MYO1H: variants seen among roughly 807,000 people sequenced by gnomAD.
MYO1H encodes myosin IH.
In MYO1H, 118 loss-of-function variants were observed where a neutral mutation model predicts 149.3. The ratio of observed to expected loss-of-function variants is 0.79; its 90% confidence interval spans 0.68 to 0.92. The LOEUF (loss-of-function observed/expected upper bound fraction) is 0.92. MYO1H is among the 40% of genes least tolerant of loss of function. The pLI is 0.00. For missense variants in MYO1H, 1,212 were observed against 1,280.7 expected, an observed-to-expected ratio of 0.95 and a Z score of 0.82; for synonymous variants, 447 against 465.2, an observed-to-expected ratio of 0.96 and a Z score of 0.50.
intron 26 of MYO1H, 27 bp from the exon 27 acceptor site, chr12:109,442,190 T>C (rs748585342): frequency 6.2e-7 from 1 of 1,607,968 alleles, no homozygotes; most frequent in Non-Finnish European, 8.5e-7. Context: ...TTAGTGATGA[T>C]TCATGGCCTT....
At chr12:109,396,574 G>T in exon 4 of MYO1H, 2 of 1,610,908 alleles carry the variant, frequency 1.2e-6, no homozygotes, top group Non-Finnish European at 1.7e-6. Context: ...CTCCAACCCA[G>T]TGCTGGAGGT....
At chr12:109,330,743 G>A in the MYO1H span, among the ~76,000 whole-genome samples, 1 of 152,146 alleles carries the variant, frequency 6.6e-6, no homozygotes, top group Non-Finnish European at 1.5e-5. Context: ...TGCAGATCAT[G>A]CCTGGATATT....
chr12:109,423,957 G>C (rs1306940706), intron 16 of MYO1H, among the ~76,000 whole-genome samples: 1 of 152,070 alleles, frequency 6.6e-6, no homozygotes, highest in Non-Finnish European at 1.5e-5. Context: ...CCAAAAGCTA[G>C]TGCCCTGGGT....
intron 15 of MYO1H, among the ~76,000 whole-genome samples, chr12:109,417,904 C>T (rs1253451140): frequency 6.6e-6 from 1 of 151,914 alleles, no homozygotes; most frequent in Non-Finnish European, 1.5e-5. Flanking sequence ...CAAGCTCCGC[C>T]TCCCGGATTC....
At chr12:109,372,533 T>C (rs766568178) in intron 1 of MYO1H, among the ~76,000 whole-genome samples, 13 of 152,080 alleles carry the variant, frequency 8.5e-5, no homozygotes, top group Non-Finnish European at 1.8e-4. Context: ...TCCACCTGTA[T>C]GTTTGGGATA....
chr12:109,409,225 T>TCTTC (rs1870538108), intron 10 of MYO1H, among the ~76,000 whole-genome samples: 1 of 105,096 alleles, frequency 9.5e-6, no homozygotes, highest in African/African-American at 4.0e-5. Context: ...CCTTCTTCTT[T>TCTTC]TTCTTCTTCT....
the MYO1H span, among the ~76,000 whole-genome samples, chr12:109,336,458 A>C: frequency 0.49 from 75,082 of 152,008 alleles, 19,162 homozygotes; most frequent in African/African-American, 0.59. Context: ...TGGCTGGATC[A>C]CGGGGTTCAA....
chr12:109,349,658 CAAAA>C (rs398021025), intron 1 of MYO1H, among the ~76,000 whole-genome samples: 17 of 120,384 alleles, frequency 1.4e-4, no homozygotes, highest in Admixed American at 3.5e-4. Flanking sequence ...AACCCTGTCT[CAAAA>C]AAAAAAAAAA....
chr12:109,363,868 C>T (rs78248454), intron 1 of MYO1H, among the ~76,000 whole-genome samples: 1,997 of 151,940 alleles, frequency 0.013, 16 homozygotes, highest in Middle Eastern at 0.024. Flanking sequence ...TCTTGGACCC[C>T]GTGTCTGACA....
intron 1 of MYO1H, among the ~76,000 whole-genome samples, chr12:109,351,435 A>C (rs928672436): frequency 6.6e-6 from 1 of 152,358 alleles, no homozygotes; most frequent in South Asian, 2.1e-4. Flanking sequence ...GACACTTATG[A>C]CAATATTTTA....
exon 2 of MYO1H, chr12:109,388,769 G>A: frequency 5.0e-6 from 8 of 1,613,182 alleles, no homozygotes; most frequent in East Asian, 2.2e-5. Context: ...AGGATTTTGT[G>A]CTATTGGACG....
chr12:109,368,114 C>G (rs956170015), intron 1 of MYO1H, among the ~76,000 whole-genome samples: 1 of 152,156 alleles, frequency 6.6e-6, no homozygotes, highest in Non-Finnish European at 1.5e-5. Context: ...TACTGGTTCT[C>G]TCAAAGAAAA....
At chr12:109,405,957 G>A (rs745531070) in exon 8 of MYO1H, 169 of 1,613,448 alleles carry the variant, frequency 1.0e-4, no homozygotes, top group Non-Finnish European at 1.4e-4. Context: ...TCTTACACCT[G>A]GGGAACATTG....
At chr12:109,371,213 CTTT>C (rs34350111) in intron 1 of MYO1H, among the ~76,000 whole-genome samples, 2 of 118,334 alleles carry the variant, frequency 1.7e-5, no homozygotes, top group African/African-American at 3.2e-5. Context: ...TTTTTTCTTT[CTTT>C]TTTTTTTTTT....
upstream of MYO1H, chr12:109,347,898 G>A: frequency 2.5e-6 from 1 of 399,000 alleles, no homozygotes; most frequent in Admixed American, 4.4e-5. Flanking sequence ...AAGTCAGTGG[G>A]AAGCAACTTT....
chr12:109,418,232 T>C (rs1871015187), intron 15 of MYO1H, among the ~76,000 whole-genome samples: 1 of 152,196 alleles, frequency 6.6e-6, no homozygotes, highest in Admixed American at 6.6e-5. Context: ...GAGTTGTCTT[T>C]TCATTTTTGT....
At chr12:109,388,898 C>A in intron 2 of MYO1H, 54 bp downstream of exon 2, 1 of 1,545,282 alleles carries the variant, frequency 6.5e-7, no homozygotes, top group South Asian at 1.3e-5. Flanking sequence ...CCCTTCTTGC[C>A]TTCACGACTT....
At chr12:109,388,809 A>G (rs148443176) in exon 2 of MYO1H, 3 of 1,613,204 alleles carry the variant, frequency 1.9e-6, no homozygotes, top group East Asian at 4.5e-5. Flanking sequence ...CTTTGTCGAC[A>G]ACCTCCGCAA....
intron 1 of MYO1H, among the ~76,000 whole-genome samples, chr12:109,356,176 G>C (rs1373068918): frequency 6.6e-6 from 1 of 151,902 alleles, no homozygotes; most frequent in Non-Finnish European, 1.5e-5. Flanking sequence ...CTAACCCAAG[G>C]GACTCAGACT....
Sources: gnomAD v4.1 joint callset for allele counts (sites outside exome capture counted in the v4.1 genomes callset) on GRCh38, gnomAD v4.1.1 for gene constraint, MANE v1.5 for transcripts, NCBI Gene and HGNC (gene_info 2026-07-23, HGNC 2026-07-21) for gene names.